The following PDE6B variants were observed in gnomAD, a reference collection of about 807,000 sequenced individuals.
PDE6B encodes the protein phosphodiesterase 6B, also known as rod cGMP-specific 3',5'-cyclic phosphodiesterase subunit beta.
PDE6B carries 106 observed loss-of-function variants against 109.0 expected under a neutral mutation model. The ratio of observed to expected loss-of-function variants is 0.97; its 90% CI spans 0.83 to 1.14. PDE6B has a LOEUF of 1.14. Ranked by LOEUF, PDE6B falls within the 50% of genes most tolerant of loss-of-function variation. PDE6B has a pLI of 0.00. For missense variants in PDE6B, 1,193 were observed against 1,155.6 expected (o/e 1.03, Z -0.47); for synonymous variants, 490 against 471.3 (o/e 1.04, Z -0.51).
chr4:654,055 C>G, intron 4 of PDE6B, 25 bp from the exon 5 acceptor site: 1 of 1,613,348 alleles, frequency 6.2e-7, no homozygotes, highest in Non-Finnish European at 8.5e-7. Flanking sequence ...AGTGACCGCC[C>G]CACCCTCACC....
At position 636,053 on chromosome 4, in the gene PDE6B, G is replaced by T. The variant is rs1175319647; in HGVS notation, c.711+84G>T. On this transcript the variant is annotated intron_variant, in intron 3 of 21. Coordinates refer to ENST00000496514, the MANE Select transcript of PDE6B (RefSeq NM_000283.4). This position sits in a 1 kb window ranked among gnomAD's most constrained non-coding sequence, Gnocchi z 4.5. ...GCTGCCTGCACAGAGGCGGGTGGTG[G>T]CAGGTGGTCTTGTGCTCACCTGGGT... is the stretch of plus-strand genomic sequence containing the variant. 1.1e-5 allele frequency: 9 copies of T among 836,274 alleles called. No homozygotes were observed. Among genetic ancestry groups the T allele is most frequent in the Non-Finnish European group, 1.7e-5 (8 of 481,248 alleles). 51.8% of individuals were successfully genotyped at this position (836,274 alleles called of 1,614,324 possible).
intron 21 of PDE6B, among the ~76,000 whole-genome samples, chr4:668,402 G>A (rs866367968): frequency 4.0e-5 from 6 of 151,530 alleles, no homozygotes; most frequent in Non-Finnish European, 7.4e-5. Flanking sequence ...TGCTATTCCC[G>A]CTGCTCCCAG....
In PDE6B at chr4:662,959, C is replaced by T. The variant is rs1737287191; in HGVS notation, c.1833-141C>T. On this transcript the variant is annotated intron_variant, in intron 14 of 21. Coordinates refer to ENST00000496514, the MANE Select transcript of PDE6B (RefSeq NM_000283.4). The surrounding 1 kb of genome is among the most constrained non-coding windows in gnomAD (Gnocchi z 4.3). ...TCAAGGCTGTATTGAGCCATGATTG[C>T]ACCACTGCACTCCAGAGTGGGTGAC... 2 of 689,884 alleles carry T rather than the reference C, an allele frequency of 2.9e-6. No homozygotes were observed. Among genetic ancestry groups the T allele is most frequent in the African/African-American group, 1.8e-5 (1 of 56,512 alleles). 42.7% of individuals were successfully genotyped at this position (689,884 alleles called of 1,614,324 possible). A position where few individuals can be genotyped will look rare whatever the true frequency, so the allele number is the denominator to read the frequency against.
chr4:627,312 A>G (rs1734160146), intron 1 of PDE6B, among the ~76,000 whole-genome samples: 1 of 151,930 alleles, frequency 6.6e-6, no homozygotes, highest in Non-Finnish European at 1.5e-5. Context: ...CACCCGGCTA[A>G]TTTTTGTATT....
At chr4:653,793 G>T in intron 3 of PDE6B, 59 bp from the exon 4 acceptor site, 1 of 1,596,354 alleles carries the variant, frequency 6.3e-7, no homozygotes, top group Non-Finnish European at 8.6e-7. Flanking sequence ...TGCTGCTGTG[G>T]TCAGACCGGC....
chr4:640,249 A>G (rs895807049), intron 3 of PDE6B, among the ~76,000 whole-genome samples: 1 of 152,168 alleles, frequency 6.6e-6, no homozygotes, highest in African/African-American at 2.4e-5. Flanking sequence ...ATTATAATAA[A>G]GTCCAATTGG....
chr4:652,370 T>G (rs984294906), intron 3 of PDE6B: 7 of 321,158 alleles, frequency 2.2e-5, no homozygotes, highest in Middle Eastern at 1.6e-3. Flanking sequence ...CCGAAAACCC[T>G]GAATTCATGG....
chr4:669,913 T>C, intron 21 of PDE6B, 133 bp from the exon 22 acceptor site: 2 of 775,430 alleles, frequency 2.6e-6, no homozygotes, highest in Non-Finnish European at 2.3e-6. Context: ...GCTAATCGGC[T>C]TGGGCTGGTC....
chr4:664,046 A>G (rs1737475297), intron 16 of PDE6B, 68 bp from the exon 17 acceptor site: 1 of 1,248,408 alleles, frequency 8.0e-7, no homozygotes, highest in South Asian at 1.2e-5. Context: ...GCCTCCCTGC[A>G]GACGGGCGCT....
Position 626,111 on chromosome 4 carries a change from C to T in PDE6B, c.468+17C>T. 1.4e-6 allele frequency: 2 copies of T among 1,465,256 alleles called. No homozygotes were observed. Among genetic ancestry groups the T allele is most frequent in the Non-Finnish European group, 1.9e-6 (2 of 1,065,856 alleles). The allele number at this position is 1,465,256 out of a possible 1,614,324, so 90.8% of individuals were successfully genotyped here. Reference sequence around the variant, plus strand: ...GTGGCCGAGGTGGGTCTGTGCGGAGCCTCAGGGAGGCGGCTGTGTGCATCT... The same window carrying T: ...GTGGCCGAGGTGGGTCTGTGCGGAGTCTCAGGGAGGCGGCTGTGTGCATCT... On this transcript the variant is annotated intron_variant, in intron 1 of 21. Coordinates refer to ENST00000496514, the MANE Select transcript of PDE6B (RefSeq NM_000283.4). This position sits in a 1 kb window ranked among gnomAD's most constrained non-coding sequence, Gnocchi z 4.6.
Position 626,536 on chromosome 4 carries a change from C to T in PDE6B, c.468+442C>T, listed in dbSNP as rs1030415571. Among the ~76,000 whole-genome samples, 2 of 152,116 alleles carry T rather than the reference C, an allele frequency of 1.3e-5. No individual in the cohort carries two copies. The highest frequency in any genetic ancestry group is 6.5e-5 in the Admixed American group (1 of 15,282). ...GGATTTGGGAAGAAGAGGTCACAGT[C>T]GAAGGTGGTGCAGACGCCCACAGGG... On this transcript the variant is annotated intron_variant, in intron 1 of 21. Transcript: ENST00000496514. This position sits in a 1 kb window ranked among gnomAD's most constrained non-coding sequence, Gnocchi z 4.6.
chr4:625,917 C>A lies in PDE6B; in HGVS notation c.291C>A (p.Tyr97Ter), dbSNP rs876657718. 8.7e-6 allele frequency: 14 copies of A among 1,601,390 alleles called. No homozygotes were observed. Among genetic ancestry groups the A allele is most frequent in the Non-Finnish European group, 1.1e-5 (13 of 1,174,598 alleles). ...LQADRCSLFM[Y>*]RQRNGVAELA... The stretch of plus-strand genomic sequence containing the variant: ...CCGACCGCTGCAGCCTCTTCATGTA[C>A]CGCCAGCGCAACGGCGTGGCCGAGC... Residue 97 changes from tyrosine to a stop codon, truncating the protein, a stop_gained, in exon 1 of 22, where the codon TAC becomes TAA. Coordinates refer to ENST00000496514, the MANE Select transcript of PDE6B (RefSeq NM_000283.4). LOFTEE classifies it high-confidence loss of function. The surrounding 1 kb of genome is among the most constrained non-coding windows in gnomAD (Gnocchi z 5.0).
In PDE6B at chr4:656,925, C is replaced by A; in HGVS notation, c.1159C>A (p.Pro387Thr). ...GCTCATCAAGAATGTGCTGTCCATG[C>A]CCATCGTCAACAAGAAGGAGGAGAT... Reference protein sequence around the residue: ...GWLIKNVLSMPIVNKKEEIVG... With the variant: ...GWLIKNVLSMTIVNKKEEIVG... The change falls in exon 9 of 22, where the codon CCC becomes ACC. Residue 387 changes from proline to threonine, a missense_variant. Coordinates refer to ENST00000496514, the MANE Select transcript of PDE6B (RefSeq NM_000283.4). 1 of 1,612,770 alleles carries A rather than the reference C, an allele frequency of 6.2e-7. No homozygotes were observed. Among genetic ancestry groups the A allele is most frequent in the East Asian group, 2.2e-5 (1 of 44,874 alleles).
At position 662,299 on chromosome 4, in the gene PDE6B, A is replaced by G. The variant is rs759656584; in HGVS notation, c.1722+58A>G. 4 of 1,022,556 alleles carry G rather than the reference A, an allele frequency of 3.9e-6. No individual in the cohort carries two copies. Among genetic ancestry groups the G allele is most frequent in the Non-Finnish European group, 6.0e-6 (4 of 665,708 alleles). The allele number at this position is 1,022,556 out of a possible 1,614,324, so 63.3% of individuals were successfully genotyped here. A position where few individuals can be genotyped will look rare whatever the true frequency, so the allele number is the denominator to read the frequency against. ...AGGCCCTCCTGGTACCAAGGGCAGC[A>G]CTCAAGCACCCCGAGGGATGAGATG... On this transcript the variant is annotated intron_variant, in intron 13 of 21. Coordinates refer to ENST00000496514, the MANE Select transcript of PDE6B (RefSeq NM_000283.4). The surrounding 1 kb of genome is among the most constrained non-coding windows in gnomAD (Gnocchi z 4.3).
intron 3 of PDE6B, among the ~76,000 whole-genome samples, chr4:650,972 G>C (rs1735483065): frequency 6.6e-6 from 1 of 152,190 alleles, no homozygotes; most frequent in African/African-American, 2.4e-5. Context: ...GGGGCTGCTG[G>C]GCTGGGACCA....
intron 12 of PDE6B, chr4:661,605 GAAAATATTTGCAGAATAA>G (rs1046772083): frequency 3.9e-5 from 6 of 155,120 alleles, no homozygotes; most frequent in African/African-American, 1.2e-4. Context: ...AAAATGTATA[GAAAATATTTGCAGAATAA>G]AAAATATTTC....
rs144847778 is a variant in PDE6B at position 664,216 on chromosome 4, C to T, written c.2124C>T (p.Ile708=). 1.4e-5 allele frequency: 22 copies of T among 1,581,944 alleles called. No homozygotes were observed. Among genetic ancestry groups the T allele is most frequent in the Non-Finnish European group, 1.9e-5 (22 of 1,151,276 alleles). The change falls in exon 17 of 22, where the codon ATC becomes ATT. Residue 708 remains isoleucine (I), a synonymous_variant. Transcript: ENST00000496514. ...YLSLETTRKE[I]VMAMMMTACD... ...CCCTGGAGACGACCCGGAAGGAGATCGTCATGTGAGCGCGGGCGGAGGGGG... is the reference window on the plus strand; with the variant it reads ...CCCTGGAGACGACCCGGAAGGAGATTGTCATGTGAGCGCGGGCGGAGGGGG...
rs180768440 is a variant in PDE6B, at chr4:657,434, C to T, written c.1341C>T (p.Ile447=). ...KMNKLENRKD[I]AQDMVLYHVK... ...ACAAGCTGGAGAACCGCAAGGACAT[C>T]GCACAGGACATGGTCCTTTACCACG... Residue 447 remains isoleucine (I), a synonymous_variant, in exon 10 of 22, where the codon ATC becomes ATT. Coordinates refer to ENST00000496514, the MANE Select transcript of PDE6B (RefSeq NM_000283.4). 25 of 1,613,172 alleles carry T rather than the reference C, an allele frequency of 1.5e-5. No homozygotes were observed. The highest frequency in any genetic ancestry group is 1.7e-4 in the Middle Eastern group (1 of 6,060).
rs1187184023 is a variant in PDE6B at position 636,990 on chromosome 4, A to G, written c.711+1021A>G. On this transcript the variant is annotated intron_variant, in intron 3 of 21. Transcript: ENST00000496514. The surrounding 1 kb of genome is among the most constrained non-coding windows in gnomAD (Gnocchi z 4.5). Reference sequence around the variant, plus strand: ...ACCAGGGAGAGCATCTGTGTAATGTATCTGGAATTCTTTTGCGTGAGAGAT... The same window carrying G: ...ACCAGGGAGAGCATCTGTGTAATGTGTCTGGAATTCTTTTGCGTGAGAGAT... Among the ~76,000 whole-genome samples the G allele has an allele frequency of 2.0e-5, 3 of 152,240 alleles. No homozygotes were observed. Among genetic ancestry groups the G allele is most frequent in the Non-Finnish European group, 4.4e-5 (3 of 68,042 alleles).
Sources: gnomAD v4.1 joint callset for allele counts (sites outside exome capture counted in the v4.1 genomes callset) on GRCh38, gnomAD v4.1.1 for gene constraint, Gnocchi (gnomAD v3.1) non-coding constraint, MANE v1.5 for transcripts, NCBI Gene and HGNC (gene_info 2026-07-23, HGNC 2026-07-21) for gene names.